Variants in UGT1A10 observed in about 807,000 individuals in gnomAD.
UGT1A10 encodes the protein UDP-glucuronosyltransferase 1A10.
Under a neutral mutation model 45.8 loss-of-function variants are expected in UGT1A10, and 49 were observed. The observed-to-expected ratio is 1.07, with a 90% CI of 0.85 to 1.36. UGT1A10 has a LOEUF of 1.36. UGT1A10 is among the 40% of genes most tolerant of loss of function. The pLI, the probability that UGT1A10 is intolerant of heterozygous loss-of-function variation, is 0.00. For missense variants in UGT1A10, 745 were observed against 668.6 expected (o/e 1.11, Z -1.26); for synonymous variants, 284 against 249.7 (o/e 1.14, Z -1.29).
intron 1 of UGT1A10, chr2:233,719,097 A>G (rs780928839): frequency 1.2e-6 from 2 of 1,614,264 alleles, no homozygotes; most frequent in Non-Finnish European, 1.7e-6. Context: ...TGATCGCGTT[A>G]CGCTGGGCTA....
chr2:233,642,614 G>A (rs910966982), intron 1 of UGT1A10, among the ~76,000 whole-genome samples: 3 of 152,164 alleles, frequency 2.0e-5, no homozygotes, highest in African/African-American at 7.2e-5. Context: ...AGAGTTAGGT[G>A]TTTATTGTAG....
intron 1 of UGT1A10, chr2:233,708,382 G>T (rs1471815158): frequency 6.6e-6 from 1 of 152,124 alleles, no homozygotes; most frequent in African/African-American, 2.4e-5. Flanking sequence ...CGTCTTTTGT[G>T]TGTGTGTGTT....
intron 1 of UGT1A10, among the ~76,000 whole-genome samples, chr2:233,711,380 C>T (rs555882590): frequency 7.9e-5 from 12 of 152,364 alleles, no homozygotes; most frequent in Admixed American, 7.8e-4. Flanking sequence ...AGAGCACCCT[C>T]CCAGGTGTGT....
At chr2:233,741,305 C>T (rs1177807292) in intron 1 of UGT1A10, among the ~76,000 whole-genome samples, 1 of 151,474 alleles carries the variant, frequency 6.6e-6, no homozygotes, top group Non-Finnish European at 1.5e-5. Context: ...TGTGTAGATA[C>T]ACACCAACTC....
intron 1 of UGT1A10, among the ~76,000 whole-genome samples, chr2:233,733,964 G>T (rs1371288114): frequency 2.0e-5 from 3 of 152,056 alleles, no homozygotes; most frequent in Admixed American, 1.3e-4. Flanking sequence ...TGTGGGGTAG[G>T]GGGAGCGGGG....
intron 1 of UGT1A10, among the ~76,000 whole-genome samples, chr2:233,681,165 G>A (rs1380306797): frequency 4.0e-5 from 6 of 151,768 alleles, no homozygotes; most frequent in African/African-American, 7.3e-5. Context: ...GGAGGTCAAC[G>A]CTAAGACCCT....
chr2:233,691,773 A>C, intron 1 of UGT1A10: 3 of 342,282 alleles, frequency 8.8e-6, no homozygotes, highest in Non-Finnish European at 1.2e-5. Context: ...TAGGATTCTC[A>C]CCACGTACTG....
At chr2:233,768,483 T>G in intron 4 of UGT1A10, 44 bp downstream of exon 4, 1 of 1,586,708 alleles carries the variant, frequency 6.3e-7, no homozygotes. Flanking sequence ...ATGGCATTCA[T>G]GATAAAATTG....
At chr2:233,743,792 G>C (rs775660405) in intron 1 of UGT1A10, 3 of 1,367,294 alleles carry the variant, frequency 2.2e-6, no homozygotes, top group Non-Finnish European at 2.9e-6. Flanking sequence ...TCTCCTCTCC[G>C]CTTCCTCCTT....
chr2:233,705,563 G>A (rs775639563), intron 1 of UGT1A10, among the ~76,000 whole-genome samples: 1 of 152,172 alleles, frequency 6.6e-6, no homozygotes, highest in Non-Finnish European at 1.5e-5. Context: ...ATTGCTTGTG[G>A]CAAGGGATAG....
At position 233,717,136 on chromosome 2, in the gene UGT1A10, T is replaced by A. The variant is rs565667210; in HGVS notation, c.856-49898T>A. Among the ~76,000 whole-genome samples, 275 of 152,170 alleles carry A rather than the reference T, an allele frequency of 1.8e-3. 2 individuals are homozygous for A. The highest frequency in any genetic ancestry group is 1.2e-3 in the Non-Finnish European group (83 of 68,008). On this transcript the variant is annotated intron_variant, in intron 1 of 4. Coordinates refer to ENST00000344644, the MANE Select transcript of UGT1A10 (RefSeq NM_019075.4). Reference sequence around the variant, plus strand: ...CCACTACATGGAAATAGAACACCACTACATGGAAATAGAACATGGGAGCCC... The same window carrying A: ...CCACTACATGGAAATAGAACACCACAACATGGAAATAGAACATGGGAGCCC...
intron 1 of UGT1A10, among the ~76,000 whole-genome samples, chr2:233,694,553 C>T (rs2075225840): frequency 6.6e-6 from 1 of 152,172 alleles, no homozygotes; most frequent in Admixed American, 6.5e-5. Context: ...AAATAAAAAT[C>T]TGTGAGTTTT....
At chr2:233,721,058 T>A (rs1412499467) in intron 1 of UGT1A10, among the ~76,000 whole-genome samples, 2 of 152,122 alleles carry the variant, frequency 1.3e-5, no homozygotes, top group African/African-American at 4.8e-5. Flanking sequence ...TTTGTCATAT[T>A]CACTGAATTT....
chr2:233,640,753 C>T (rs1334385606), intron 1 of UGT1A10, among the ~76,000 whole-genome samples: 2 of 152,106 alleles, frequency 1.3e-5, no homozygotes, highest in African/African-American at 4.8e-5. Flanking sequence ...GGCCAACAAT[C>T]TTAGGTAGGG....
At chr2:233,766,654 A>G (rs1414675173) in intron 1 of UGT1A10, among the ~76,000 whole-genome samples, 3 of 152,054 alleles carry the variant, frequency 2.0e-5, no homozygotes, top group Non-Finnish European at 4.4e-5. Flanking sequence ...ATTTAAAGGG[A>G]CCACGCCCTT....
At chr2:233,694,193 C>A (rs923236603) in intron 1 of UGT1A10, among the ~76,000 whole-genome samples, 1 of 152,120 alleles carries the variant, frequency 6.6e-6, no homozygotes, top group Non-Finnish European at 1.5e-5. Flanking sequence ...GGAACAGGTC[C>A]AGGTTAAAAT....
chr2:233,690,689 C>A, intron 1 of UGT1A10: 1 of 1,253,178 alleles, frequency 8.0e-7, no homozygotes, highest in Non-Finnish European at 1.0e-6. Flanking sequence ...TCCAGCGGAG[C>A]TACTCTTTAG....
At chr2:233,761,742 A>T (rs1697852650) in intron 1 of UGT1A10, among the ~76,000 whole-genome samples, 2 of 152,204 alleles carry the variant, frequency 1.3e-5, no homozygotes, top group South Asian at 4.1e-4. Flanking sequence ...TCCCCTACAG[A>T]GTTTGAAGTA....
At chr2:233,720,590 G>A (rs1172062832) in intron 1 of UGT1A10, among the ~76,000 whole-genome samples, 2 of 152,014 alleles carry the variant, frequency 1.3e-5, no homozygotes, top group Non-Finnish European at 2.9e-5. Context: ...AATTTCAGAG[G>A]TGACTTTCAT....
Sources: gnomAD v4.1 joint callset for allele counts (sites outside exome capture counted in the v4.1 genomes callset) on GRCh38, gnomAD v4.1.1 for gene constraint, MANE v1.5 for transcripts, NCBI Gene and HGNC (gene_info 2026-07-23, HGNC 2026-07-21) for gene names.